EPHA6: variants seen among roughly 807,000 people sequenced by gnomAD.
The protein encoded by EPHA6 is ephrin type-A receptor 6.
EPHA6 carries 50 observed loss-of-function variants against 112.0 expected under a neutral mutation model. That is an observed-to-expected ratio of 0.45 (90% CI 0.36 to 0.56). EPHA6 has a LOEUF of 0.56. EPHA6 is among the 20% of genes least tolerant of loss of function. The probability of loss-of-function intolerance (pLI) is 0.00; values close to 1 mark genes in which losing one functional copy is unlikely to be tolerated. For missense variants in EPHA6, 1,280 were observed against 1,417.4 expected (o/e 0.90, Z 1.56); for synonymous variants, 529 against 490.7 (o/e 1.08, Z -1.03).
At chr3:96,987,269 A>G in intron 2 of EPHA6, 61 bp from the exon 3 acceptor site, 4 of 1,421,332 alleles carry the variant, frequency 2.8e-6, no homozygotes, top group Non-Finnish European at 3.8e-6. Flanking sequence ...ATTGTAAGTA[A>G]TCATTTCTGT....
chr3:97,083,834 A>G (rs778542909), intron 3 of EPHA6, among the ~76,000 whole-genome samples: 1 of 151,774 alleles, frequency 6.6e-6, no homozygotes, highest in South Asian at 2.1e-4. Flanking sequence ...AAAAAATCTG[A>G]AAGTTCATTA....
At chr3:96,898,671 A>G (rs2038417635) in intron 2 of EPHA6, among the ~76,000 whole-genome samples, 1 of 152,162 alleles carries the variant, frequency 6.6e-6, no homozygotes, top group Non-Finnish European at 1.5e-5. Flanking sequence ...TATCATATAT[A>G]TTTTGTTATG....
chr3:96,852,033 G>C (rs777457382), intron 1 of EPHA6, among the ~76,000 whole-genome samples: 1 of 151,968 alleles, frequency 6.6e-6, no homozygotes, highest in Non-Finnish European at 1.5e-5. Context: ...TTTTTGAATT[G>C]ACCAGATGTT....
chr3:97,142,845 G>T lies in EPHA6; in HGVS notation c.1115-83419G>T, dbSNP rs187856998. Among the ~76,000 whole-genome samples, 951 of 151,846 alleles carry T rather than the reference G, an allele frequency of 6.3e-3. 11 individuals carry two copies. Among genetic ancestry groups the T allele is most frequent in the South Asian group, 9.6e-3 (46 of 4,814 alleles). On this transcript the variant is annotated intron_variant, in intron 3 of 17. Transcript: ENST00000389672. ...AGGAATAGCCTTCAAAGTAATAAAA[G>T]CCATCTATGATGAACTCACAGAGAA...
chr3:96,890,943 G>C (rs2037922603), intron 2 of EPHA6, among the ~76,000 whole-genome samples: 1 of 152,008 alleles, frequency 6.6e-6, no homozygotes, highest in South Asian at 2.1e-4. Context: ...AAAAATCAGC[G>C]AGGCATGGTG....
intron 10 of EPHA6, among the ~76,000 whole-genome samples, chr3:97,488,403 T>A (rs759103505): frequency 1.3e-5 from 2 of 152,198 alleles, no homozygotes; most frequent in Non-Finnish European, 2.9e-5. Flanking sequence ...AATATTTCGA[T>A]TCTGTTATTC....
intron 3 of EPHA6, among the ~76,000 whole-genome samples, chr3:97,131,455 G>A (rs1370548530): frequency 6.6e-6 from 1 of 152,040 alleles, no homozygotes; most frequent in Non-Finnish European, 1.5e-5. Flanking sequence ...TAAAACAATT[G>A]TAATAGGAGT....
chr3:96,817,946 T>C (rs1317386617), intron 1 of EPHA6, among the ~76,000 whole-genome samples: 1 of 151,940 alleles, frequency 6.6e-6, no homozygotes, highest in African/African-American at 2.4e-5. Context: ...TTTGACTCTC[T>C]CTTCCTATGA....
intron 11 of EPHA6, among the ~76,000 whole-genome samples, chr3:97,578,855 GTATGA>G (rs1399447065): frequency 6.6e-6 from 1 of 152,208 alleles, no homozygotes; most frequent in African/African-American, 2.4e-5. Flanking sequence ...TATCTATTGT[GTATGA>G]ATGTGTTAAA....
intron 1 of EPHA6, among the ~76,000 whole-genome samples, chr3:96,819,061 G>A (rs967005887): frequency 6.6e-6 from 1 of 151,756 alleles, no homozygotes. Flanking sequence ...CTGGTCTTGG[G>A]ATAATACTAT....
chr3:97,492,285 G>C (rs2091860121), intron 10 of EPHA6, among the ~76,000 whole-genome samples: 1 of 151,926 alleles, frequency 6.6e-6, no homozygotes, highest in African/African-American at 2.4e-5. Flanking sequence ...GCTCACACCT[G>C]TAATCCCAGC....
At chr3:96,973,919 G>GTATA (rs1326957702) in intron 2 of EPHA6, among the ~76,000 whole-genome samples, 1 of 143,230 alleles carries the variant, frequency 7.0e-6, no homozygotes, top group Non-Finnish European at 1.5e-5. Flanking sequence ...AATAGATTCT[G>GTATA]TATATTATAT....
At chr3:96,886,699 G>A (rs546870565) in intron 2 of EPHA6, among the ~76,000 whole-genome samples, 4 of 152,106 alleles carry the variant, frequency 2.6e-5, no homozygotes, top group Non-Finnish European at 5.9e-5. Context: ...GAGATGTGAG[G>A]ATCCATTGCA....
intron 1 of EPHA6, among the ~76,000 whole-genome samples, chr3:96,838,958 T>G (rs2034575666): frequency 6.6e-6 from 1 of 152,152 alleles, no homozygotes; most frequent in South Asian, 2.1e-4. Context: ...CTATGTGACT[T>G]AGAATGAACA....
chr3:97,514,664 T>C (rs1465687252), intron 10 of EPHA6, among the ~76,000 whole-genome samples: 1 of 152,146 alleles, frequency 6.6e-6, no homozygotes, highest in Admixed American at 6.6e-5. Flanking sequence ...TGTTTGGAGA[T>C]AGGATTTTGA....
rs1382233071 is a variant in EPHA6 at position 97,458,469 on chromosome 3, A to G, written c.1894+9739A>G. ...GCAGACTAAATAACTTTGTCAACAAATAATTTTGGCAATTCCATCAACAAT... is the reference window on the plus strand; with the variant it reads ...GCAGACTAAATAACTTTGTCAACAAGTAATTTTGGCAATTCCATCAACAAT... On this transcript the variant is annotated intron_variant, in intron 7 of 17. Transcript: ENST00000389672. 2.0e-5 allele frequency among the ~76,000 whole-genome samples: 3 copies of G among 152,316 alleles called. No homozygotes were observed. The East Asian group carries it at 5.8e-4, about 29-fold the overall frequency.
chr3:97,054,942 T>C (rs1169156806), intron 3 of EPHA6, among the ~76,000 whole-genome samples: 2 of 152,134 alleles, frequency 1.3e-5, no homozygotes, highest in African/African-American at 4.8e-5. Context: ...AAATTTTTGT[T>C]ACTTTCTTAA....
At chr3:97,202,700 A>T (rs1054561240) in intron 3 of EPHA6, among the ~76,000 whole-genome samples, 1 of 152,124 alleles carries the variant, frequency 6.6e-6, no homozygotes, top group African/African-American at 2.4e-5. Flanking sequence ...AGATAGTTGA[A>T]CTTGTGTTGA....
intron 3 of EPHA6, among the ~76,000 whole-genome samples, chr3:97,026,182 T>C (rs1027219679): frequency 6.6e-6 from 1 of 150,916 alleles, no homozygotes; most frequent in African/African-American, 2.4e-5. Context: ...AGCACTGTAG[T>C]ATAGTTTGAA....
Sources: gnomAD v4.1 joint callset for allele counts (sites outside exome capture counted in the v4.1 genomes callset) on GRCh38, gnomAD v4.1.1 for gene constraint, MANE v1.5 for transcripts, NCBI Gene and HGNC (gene_info 2026-07-23, HGNC 2026-07-21) for gene names.